Variants in RSRP1 observed in about 807,000 individuals in gnomAD.
RSRP1 encodes arginine and serine rich protein 1.
In RSRP1, 37 loss-of-function variants were observed where a neutral mutation model predicts 33.0. That is an observed-to-expected ratio of 1.12 (90% CI 0.86 to 1.48). The LOEUF (loss-of-function observed/expected upper bound fraction) is 1.48. RSRP1 is among the 40% of genes most tolerant of loss of function. The pLI is 0.00. For synonymous variants in RSRP1, 167 were observed against 158.7 expected (o/e 1.05, Z -0.40); for missense variants, 402 against 385.3 (o/e 1.04, Z -0.36).
At chr1:25,336,945 C>G (rs917656037) in intron 1 of RSRP1, 2 of 152,060 alleles carry the variant, frequency 1.3e-5, no homozygotes, top group Non-Finnish European at 2.9e-5. Context: ...TCAAAGGAAA[C>G]AACAGTCACC....
rs1405410294 is a variant in RSRP1 at position 25,283,987 on chromosome 1, C to T, written c.-66-36958G>A. ...GGAAAGGTGAGGGCTACCCAGGTGG[C>T]CCTGATGTTTTCTGCCAGCCAGCTC... On this transcript the variant is annotated intron_variant, in intron 1 of 1. Coordinates refer to the RSRP1 transcript ENST00000561867. Among the ~76,000 whole-genome samples, 12 of 134,790 alleles carry T rather than the reference C, an allele frequency of 8.9e-5. 2 individuals carry two copies. The highest frequency in any genetic ancestry group is 5.3e-5 in the Non-Finnish European group (3 of 57,106). The allele number at this position is 134,790 out of a possible 152,430, so 88.4% of individuals were successfully genotyped here. A position where few individuals can be genotyped will look rare whatever the true frequency, so the allele number is the denominator to read the frequency against.
At chr1:25,245,652 C>G (rs1639313850) in intron 2 of RSRP1, among the ~76,000 whole-genome samples, 1 of 152,180 alleles carries the variant, frequency 6.6e-6, no homozygotes, top group Admixed American at 6.5e-5. Context: ...TTCTCCAGCT[C>G]ATTTCTTGCT....
chr1:25,309,851 G>C (rs563341321), intron 1 of RSRP1, among the ~76,000 whole-genome samples: 2 of 133,160 alleles, frequency 1.5e-5, no homozygotes, highest in African/African-American at 5.1e-5. Flanking sequence ...CCTGTGCAGG[G>C]AGACTGTTAT....
At chr1:25,254,182 T>A (rs2124555016) in intron 1 of RSRP1, among the ~76,000 whole-genome samples, 1 of 152,330 alleles carries the variant, frequency 6.6e-6, no homozygotes, top group African/African-American at 2.4e-5. Flanking sequence ...CTCCACTGTT[T>A]GCAATTACTG....
At position 25,297,585 on chromosome 1, in the gene RSRP1, T is replaced by A. The variant is rs1643057594; in HGVS notation, c.-67+40393A>T. Reference sequence around the variant, plus strand: ...CTAATTCCATCTTTCCTTCAGTAGTTGGCATTCTTCTGTAAGGAAAAGCTT... The same window carrying A: ...CTAATTCCATCTTTCCTTCAGTAGTAGGCATTCTTCTGTAAGGAAAAGCTT... On this transcript the variant is annotated intron_variant, in intron 1 of 1. Transcript: ENST00000561867. Among the ~76,000 whole-genome samples, 2 of 131,490 alleles carry A rather than the reference T, an allele frequency of 1.5e-5. 1 individual carries two copies. Among genetic ancestry groups the A allele is most frequent in the Non-Finnish European group, 3.6e-5 (2 of 55,864 alleles). 86.3% of individuals were successfully genotyped at this position (131,490 alleles called of 152,430 possible).
intron 1 of RSRP1, among the ~76,000 whole-genome samples, chr1:25,323,618 G>C (rs79652572): frequency 0.21 from 24,243 of 114,100 alleles, 5,497 homozygotes; most frequent in Admixed American, 0.25. Flanking sequence ...GGCCACCATG[G>C]CAGGCTAATT....
rs1427649112 is a variant in RSRP1, at chr1:25,299,044, G to A, written c.-67+38934C>T. On this transcript the variant is annotated intron_variant, in intron 1 of 1. Coordinates refer to the RSRP1 transcript ENST00000561867. ...GCTGGGAGGGCTGTTTACCAGCCAC[G>A]CTGTTTAGAATTGTCAGCACATGGT... 2.8e-5 allele frequency among the ~76,000 whole-genome samples: 3 copies of A among 108,236 alleles called. No homozygotes were observed. In the Admixed American group the frequency reaches 2.9e-4, roughly 11 times the overall value. 71.0% of individuals were successfully genotyped at this position (108,236 alleles called of 152,430 possible).
At chr1:25,259,928 C>T (rs751498258) in intron 1 of RSRP1, among the ~76,000 whole-genome samples, 2 of 151,846 alleles carry the variant, frequency 1.3e-5, no homozygotes, top group African/African-American at 4.8e-5. Flanking sequence ...GACAAACAGA[C>T]GGACAGCGTG....
intron 1 of RSRP1, among the ~76,000 whole-genome samples, chr1:25,270,830 A>T (rs28435299): frequency 1.5e-5 from 2 of 129,532 alleles, no homozygotes; most frequent in Admixed American, 1.5e-4. Context: ...TATGTAAAGT[A>T]CTTAGAATGG....
chr1:25,290,486 C>T (rs1347931245), intron 1 of RSRP1, among the ~76,000 whole-genome samples: 1 of 129,912 alleles, frequency 7.7e-6, no homozygotes, highest in African/African-American at 2.6e-5. Flanking sequence ...GCAGCATCAG[C>T]GCCCAGGTGG....
chr1:25,290,560 AAT>A (rs1642403575), intron 1 of RSRP1: 5 of 1,076,810 alleles, frequency 4.6e-6, no homozygotes, highest in Admixed American at 1.8e-5. Context: ...TGAAAGAATG[AAT>A]GAATGAATGA....
chr1:25,255,494 T>C (rs775798870), intron 1 of RSRP1, among the ~76,000 whole-genome samples: 18 of 152,262 alleles, frequency 1.2e-4, no homozygotes, highest in Non-Finnish European at 2.2e-4. Context: ...ACCAGTGAAA[T>C]GGGATCTTAT....
chr1:25,301,107 G>A lies in RSRP1; in HGVS notation c.-67+36871C>T. The A allele has an allele frequency of 4.4e-6, 6 of 1,374,482 alleles. 2 individuals carry two copies. Among genetic ancestry groups the A allele is most frequent in the Non-Finnish European group, 6.1e-6 (6 of 977,146 alleles). 85.1% of individuals were successfully genotyped at this position (1,374,482 alleles called of 1,614,324 possible). ...CTGCCATGCTGGGTAAGGACAAGGT[G>A]GGGTGAGTGGTCTCCTACTTGGGCT... On this transcript the variant is annotated intron_variant, in intron 1 of 1. Coordinates refer to the RSRP1 transcript ENST00000561867.
rs879144257 is a variant in RSRP1 at position 25,297,653 on chromosome 1, C to A, written c.-67+40325G>T. Among the ~76,000 whole-genome samples, 6 of 129,984 alleles carry A rather than the reference C, an allele frequency of 4.6e-5. 2 individuals carry two copies. Among genetic ancestry groups the A allele is most frequent in the African/African-American group, 1.6e-4 (6 of 37,670 alleles). The allele number at this position is 129,984 out of a possible 152,430, so 85.3% of individuals were successfully genotyped here. A position where few individuals can be genotyped will look rare whatever the true frequency, so the allele number is the denominator to read the frequency against. On this transcript the variant is annotated intron_variant, in intron 1 of 1. Coordinates refer to the RSRP1 transcript ENST00000561867. The stretch of plus-strand genomic sequence containing the variant: ...CACTCATCTATGTACTTATTTATAT[C>A]ACCATGGGCTCCTGGATTCCGGTTT...
At chr1:25,245,591 C>T (rs573712977) in intron 2 of RSRP1, among the ~76,000 whole-genome samples, 20 of 152,138 alleles carry the variant, frequency 1.3e-4, no homozygotes, top group Non-Finnish European at 2.8e-4. Flanking sequence ...GGCACCAATC[C>T]CCCGAGTGAA....
chr1:25,301,626 C>T (rs764180382), intron 1 of RSRP1: 2 of 1,380,448 alleles, frequency 1.4e-6, no homozygotes. Context: ...CTGTAGCAGT[C>T]AGCGTGGTGA....
chr1:25,316,911 T>C (rs890349227), intron 1 of RSRP1: 1 of 81,610 alleles, frequency 1.2e-5, no homozygotes, highest in Admixed American at 1.1e-4. Context: ...TTCCTGGCAA[T>C]GGCACTACTG....
chr1:25,296,569 G>T (rs1328796421), intron 1 of RSRP1, among the ~76,000 whole-genome samples: 2 of 129,794 alleles, frequency 1.5e-5, no homozygotes, highest in African/African-American at 5.3e-5. Context: ...TGATGCAGTT[G>T]GGTTCTGTAT....
intron 1 of RSRP1, among the ~76,000 whole-genome samples, chr1:25,298,713 T>C (rs1276523271): frequency 1.5e-5 from 2 of 131,636 alleles, no homozygotes; most frequent in East Asian, 1.9e-4. Context: ...ATTTACTATA[T>C]ACCAGGGACT....
Sources: gnomAD v4.1 joint callset for allele counts (sites outside exome capture counted in the v4.1 genomes callset) on GRCh38, gnomAD v4.1.1 for gene constraint, MANE v1.5 for transcripts, NCBI Gene and HGNC (gene_info 2026-07-23, HGNC 2026-07-21) for gene names.